Variants in NTM observed in about 807,000 individuals in gnomAD.
NTM encodes the protein neurotrimin.
Under a neutral mutation model 42.1 loss-of-function variants are expected in NTM, and 13 were observed. That is an observed-to-expected ratio of 0.31 (90% confidence interval 0.20 to 0.49). NTM has a LOEUF of 0.49. NTM is among the 20% of genes least tolerant of loss of function. NTM has a pLI of 0.99. For missense variants in NTM, 373 were observed against 452.8 expected (o/e 0.82, Z 1.60); for synonymous variants, 187 against 179.2 (o/e 1.04, Z -0.35).
At chr11:131,847,772 G>T (rs772072331) in intron 1 of NTM, among the ~76,000 whole-genome samples, 3 of 152,148 alleles carry the variant, frequency 2.0e-5, no homozygotes, top group Non-Finnish European at 4.4e-5. Context: ...GATGGATGGG[G>T]AGCTCTGTTC....
chr11:132,079,777 T>C (rs1048118802), intron 2 of NTM, among the ~76,000 whole-genome samples: 1 of 152,192 alleles, frequency 6.6e-6, no homozygotes, highest in Non-Finnish European at 1.5e-5. Flanking sequence ...CCTTGCTCTC[T>C]TTTGTTTTGT....
intron 4 of NTM, among the ~76,000 whole-genome samples, chr11:132,220,417 G>A (rs2084905641): frequency 6.6e-6 from 1 of 152,092 alleles, no homozygotes; most frequent in South Asian, 2.1e-4. Context: ...GTGTCAATAG[G>A]GGTTTTTGTA....
chr11:132,231,733 A>G (rs1430489565), intron 4 of NTM, among the ~76,000 whole-genome samples: 11 of 152,220 alleles, frequency 7.2e-5, no homozygotes, highest in Admixed American at 7.2e-4. Context: ...GCTGTGAGCT[A>G]TGAGCTGGAT....
intron 2 of NTM, among the ~76,000 whole-genome samples, chr11:131,960,476 G>C (rs1007213644): frequency 6.6e-6 from 1 of 152,218 alleles, no homozygotes; most frequent in Admixed American, 6.5e-5. Context: ...GGGAATCGGG[G>C]AGACAATGGC....
intron 1 of NTM, among the ~76,000 whole-genome samples, chr11:131,648,885 C>A (rs139415502): frequency 6.6e-6 from 1 of 152,248 alleles, no homozygotes; most frequent in African/African-American, 2.4e-5. Flanking sequence ...TCAGGAACTA[C>A]TTTTGGTGGC....
Position 131,982,534 on chromosome 11 carries a change from A to G in NTM, c.167+70886A>G, listed in dbSNP as rs556328697. 2.6e-5 allele frequency among the ~76,000 whole-genome samples: 4 copies of G among 152,100 alleles called. No individual in the cohort carries two copies. The South Asian group carries it at 6.2e-4, about 24-fold the overall frequency. On this transcript the variant is annotated intron_variant, in intron 2 of 8. Coordinates refer to ENST00000683400, the MANE Select transcript of NTM (RefSeq NM_001352005.2). ...GAGGGGCTTCTGGCTTCTTCCAGCC[A>G]GGGTGCTCCCCTATGGAAAGCAGAG...
rs540443258 is a variant in NTM, at chr11:131,777,201, T to C, written c.83-134363T>C. Reference sequence around the variant, plus strand: ...GTAGAGTGCCCTCTCTTTGCAAGCCTGAGCTAGACACCTTGGTTTGGGAAG... The same window carrying C: ...GTAGAGTGCCCTCTCTTTGCAAGCCCGAGCTAGACACCTTGGTTTGGGAAG... On this transcript the variant is annotated intron_variant, in intron 1 of 8. Coordinates refer to ENST00000683400, the MANE Select transcript of NTM (RefSeq NM_001352005.2). 22 of 273,556 alleles carry C rather than the reference T, an allele frequency of 8.0e-5. No homozygotes were observed. In the South Asian group the frequency reaches 3.1e-3, roughly 38 times the overall value. The allele number at this position is 273,556 out of a possible 1,614,324, so 16.9% of individuals were successfully genotyped here.
chr11:131,887,985 T>C (rs2050670003), intron 1 of NTM, among the ~76,000 whole-genome samples: 1 of 152,222 alleles, frequency 6.6e-6, no homozygotes, highest in African/African-American at 2.4e-5. Context: ...TCTCAGCTTC[T>C]GGCTTCAGTG....
chr11:131,788,455 A>T (rs1462741700), intron 1 of NTM, among the ~76,000 whole-genome samples: 1 of 152,012 alleles, frequency 6.6e-6, no homozygotes, highest in South Asian at 2.1e-4. Flanking sequence ...GTAATTTTAA[A>T]AATTTATTTT....
At chr11:132,007,468 C>T (rs577268186) in intron 2 of NTM, among the ~76,000 whole-genome samples, 3 of 152,202 alleles carry the variant, frequency 2.0e-5, no homozygotes, top group Admixed American at 6.5e-5. Flanking sequence ...TGATTTGGGG[C>T]CTGTCAACAG....
intron 1 of NTM, among the ~76,000 whole-genome samples, chr11:131,814,466 C>T (rs775887104): frequency 2.0e-5 from 3 of 152,140 alleles, no homozygotes; most frequent in Non-Finnish European, 4.4e-5. Context: ...ATCCTGAAAG[C>T]ACAGGTTCTG....
intron 1 of NTM, among the ~76,000 whole-genome samples, chr11:131,478,941 G>A (rs1415425673): frequency 6.6e-6 from 1 of 152,162 alleles, no homozygotes; most frequent in African/African-American, 2.4e-5. Flanking sequence ...AATAAAATGT[G>A]GGTTCCACGC....
chr11:132,312,403 T>C (rs2136119847), intron 6 of NTM: 1 of 152,316 alleles, frequency 6.6e-6, no homozygotes, highest in East Asian at 1.9e-4. Flanking sequence ...GGAAGAGGAA[T>C]GGAATGCTAT....
intron 2 of NTM, among the ~76,000 whole-genome samples, chr11:132,121,090 G>T (rs2064742006): frequency 6.6e-6 from 1 of 152,204 alleles, no homozygotes; most frequent in Non-Finnish European, 1.5e-5. Flanking sequence ...GTTCACAGGA[G>T]AAAAGTAGAA....
At chr11:132,014,779 G>A (rs2073061184) in intron 2 of NTM, among the ~76,000 whole-genome samples, 1 of 75,560 alleles carries the variant, frequency 1.3e-5, no homozygotes, top group African/African-American at 5.3e-5. Context: ...AGTTCCTTGT[G>A]TATTCTAGAT....
chr11:131,885,793 A>G (rs1280038939), intron 1 of NTM, among the ~76,000 whole-genome samples: 1 of 152,236 alleles, frequency 6.6e-6, no homozygotes, highest in Non-Finnish European at 1.5e-5. Flanking sequence ...CCTGGGGCCC[A>G]GGTTCCTTAT....
intron 1 of NTM, among the ~76,000 whole-genome samples, chr11:131,486,477 T>C (rs989801129): frequency 3.9e-4 from 60 of 152,218 alleles, no homozygotes; most frequent in Non-Finnish European, 8.4e-4. Flanking sequence ...TGCTCTTCAA[T>C]GGGGATGTCT....
At chr11:131,488,025 C>T (rs1190665868) in intron 1 of NTM, among the ~76,000 whole-genome samples, 1 of 152,172 alleles carries the variant, frequency 6.6e-6, no homozygotes, top group Non-Finnish European at 1.5e-5. Context: ...CACATAGCAC[C>T]AGTGCCTGGT....
At chr11:131,494,843 C>T (rs1280206680) in intron 1 of NTM, among the ~76,000 whole-genome samples, 1 of 152,222 alleles carries the variant, frequency 6.6e-6, no homozygotes, top group Non-Finnish European at 1.5e-5. Context: ...AATGAAGATG[C>T]AGCTGTCACC....
Sources: allele counts gnomAD v4.1 joint callset (sites outside exome capture counted in the v4.1 genomes callset), GRCh38; gene constraint gnomAD v4.1.1; transcripts MANE v1.5; gene names NCBI Gene and HGNC (gene_info 2026-07-23, HGNC 2026-07-21).